The following NELL2 variants were observed in gnomAD, a reference collection of about 807,000 sequenced individuals.
The protein encoded by NELL2 is neural EGFL like 2.
NELL2 carries 41 observed loss-of-function variants against 109.6 expected under a neutral mutation model. That is an observed-to-expected ratio of 0.37 (90% confidence interval 0.29 to 0.49). NELL2 has a LOEUF of 0.49. Ranked by LOEUF, NELL2 falls within the 20% of genes least tolerant of loss-of-function variation. The pLI is 0.98. For missense variants in NELL2, 900 were observed against 1,008.3 expected (o/e 0.89, Z 1.45); for synonymous variants, 355 against 344.7 (o/e 1.03, Z -0.33).
At chr12:44,815,292 C>A (rs73088926) in intron 3 of NELL2, among the ~76,000 whole-genome samples, 12,555 of 152,218 alleles carry the variant, frequency 0.082, 647 homozygotes, top group Middle Eastern at 0.12. Flanking sequence ...AGACAGCTGT[C>A]ACTGCTGCCA....
chr12:44,730,780 C>T (rs1939327367), intron 9 of NELL2, among the ~76,000 whole-genome samples: 1 of 151,486 alleles, frequency 6.6e-6, no homozygotes, highest in Non-Finnish European at 1.5e-5. Context: ...AAGATTAGAG[C>T]AGAAAGAAAA....
At chr12:44,855,488 G>C (rs2710456) in intron 2 of NELL2, among the ~76,000 whole-genome samples, 150,502 of 152,342 alleles carry the variant, frequency 0.99, 74,384 homozygotes, top group East Asian at 1. Context: ...GTATTTTATT[G>C]TACGGGCTAA....
chr12:44,510,881 G>C (rs1163293995), intron 19 of NELL2, among the ~76,000 whole-genome samples: 1 of 152,184 alleles, frequency 6.6e-6, no homozygotes, highest in Non-Finnish European at 1.5e-5. Context: ...CAGAGGCACA[G>C]GTTTTCTGAC....
chr12:44,760,567 G>T (rs1025210698), intron 9 of NELL2, among the ~76,000 whole-genome samples: 8 of 152,028 alleles, frequency 5.3e-5, no homozygotes, highest in Admixed American at 2.6e-4. Flanking sequence ...TAGAGAATGA[G>T]ATAAATCCTA....
chr12:44,726,018 C>T (rs59275409), intron 9 of NELL2, among the ~76,000 whole-genome samples: 11,316 of 152,024 alleles, frequency 0.074, 1,363 homozygotes, highest in African/African-American at 0.25. Flanking sequence ...TTTTTAACAT[C>T]CCATTATGCA....
intron 15 of NELL2, among the ~76,000 whole-genome samples, chr12:44,562,640 T>G (rs754684412): frequency 6.6e-6 from 1 of 152,214 alleles, no homozygotes; most frequent in African/African-American, 2.4e-5. Flanking sequence ...CCAGTTAGAA[T>G]GGCAATCACT....
In NELL2 at chr12:44,777,313, C is replaced by T. The variant is rs368974406; in HGVS notation, c.608G>A (p.Gly203Asp). 2 of 1,612,382 alleles carry T rather than the reference C, an allele frequency of 1.2e-6. No individual in the cohort carries two copies. Among genetic ancestry groups the T allele is most frequent in the Non-Finnish European group, 1.7e-6 (2 of 1,178,542 alleles). Reference protein sequence around the residue: ...QRNNAHGYFKGIMQDVQLLVM... With the variant: ...QRNNAHGYFKDIMQDVQLLVM... Reference sequence around the variant, plus strand: ...AAGTAATTGGACATCTTGCATTATACCCTGTGTGTGAAAAATAGAAAAAAA... The same window carrying T: ...AAGTAATTGGACATCTTGCATTATATCCTGTGTGTGAAAAATAGAAAAAAA... The change falls in exon 6 of 20, where the codon GGT becomes GAT. Residue 203 changes from glycine (G) to aspartate (D), a missense_variant and splice_region_variant. Gly to Asp is a moderately conservative substitution (Grantham distance 94). Transcript: ENST00000429094.
chr12:44,779,414 A>T (rs1476855866), intron 5 of NELL2, among the ~76,000 whole-genome samples: 1 of 152,200 alleles, frequency 6.6e-6, no homozygotes, highest in East Asian at 1.9e-4. Context: ...TCAAAGAATG[A>T]CCTGTTAACT....
intron 3 of NELL2, among the ~76,000 whole-genome samples, chr12:44,791,086 T>TATAC (rs1555217683): frequency 7.1e-4 from 38 of 53,778 alleles, no homozygotes; most frequent in Admixed American, 9.9e-4. Context: ...TATATACATA[T>TATAC]ATATATATAT....
At chr12:44,786,459 A>G (rs1011058340) in intron 3 of NELL2, among the ~76,000 whole-genome samples, 5 of 152,184 alleles carry the variant, frequency 3.3e-5, no homozygotes, top group Admixed American at 2.6e-4. Flanking sequence ...TTTGTGGAAG[A>G]CAGTGTGGCA....
intron 13 of NELL2, among the ~76,000 whole-genome samples, chr12:44,662,392 A>G (rs1462102481): frequency 6.6e-6 from 1 of 152,172 alleles, no homozygotes; most frequent in African/African-American, 2.4e-5. Flanking sequence ...AATTAGACAA[A>G]CAGTGAATAG....
chr12:44,513,287 C>A (rs1437928905), intron 19 of NELL2, among the ~76,000 whole-genome samples: 1 of 151,896 alleles, frequency 6.6e-6, no homozygotes, highest in African/African-American at 2.4e-5. Context: ...TAATAATTTA[C>A]AACCTGCTAG....
intron 15 of NELL2, among the ~76,000 whole-genome samples, chr12:44,593,899 T>G (rs1335284368): frequency 6.6e-6 from 1 of 152,126 alleles, no homozygotes; most frequent in African/African-American, 2.4e-5. Context: ...CCATCAATGA[T>G]AGACTGGATA....
At chr12:44,891,019 C>T (rs79156810) in intron 1 of NELL2, among the ~76,000 whole-genome samples, 1,532 of 152,300 alleles carry the variant, frequency 0.01, 22 homozygotes, top group African/African-American at 0.035. Flanking sequence ...CGTAAGCCAC[C>T]GCACCCAGCA....
intron 13 of NELL2, among the ~76,000 whole-genome samples, chr12:44,617,691 C>CAAAAAAAAAAAAAAAA (rs975070930): frequency 0.011 from 252 of 22,332 alleles, 11 homozygotes; most frequent in East Asian, 0.021. Context: ...GACTCCGTCT[C>CAAAAAAAAAAAAAAAA]AAAAAAAAAA....
At chr12:44,780,387 C>G (rs989694891) in intron 3 of NELL2, among the ~76,000 whole-genome samples, 5 of 151,968 alleles carry the variant, frequency 3.3e-5, no homozygotes. Flanking sequence ...AAGACAGAAA[C>G]TGCTAGATAA....
chr12:44,636,257 T>C (rs563998611), intron 13 of NELL2, among the ~76,000 whole-genome samples: 1 of 152,284 alleles, frequency 6.6e-6, no homozygotes, highest in South Asian at 2.1e-4. Context: ...CCTCTCCTCC[T>C]ATTTGAATAC....
intron 12 of NELL2, among the ~76,000 whole-genome samples, chr12:44,689,807 C>T (rs1470969580): frequency 6.6e-6 from 1 of 152,110 alleles, no homozygotes; most frequent in Non-Finnish European, 1.5e-5. Flanking sequence ...ATCAGGGATG[C>T]TGCTAAACAT....
At chr12:44,562,790 C>T (rs956550269) in intron 15 of NELL2, among the ~76,000 whole-genome samples, 2 of 152,182 alleles carry the variant, frequency 1.3e-5, no homozygotes, top group African/African-American at 4.8e-5. Context: ...CCAGAAATAC[C>T]ATTTGACCCA....
Sources: allele counts gnomAD v4.1 joint callset (sites outside exome capture counted in the v4.1 genomes callset), GRCh38; gene constraint gnomAD v4.1.1; transcripts MANE v1.5; gene names NCBI Gene and HGNC (gene_info 2026-07-23, HGNC 2026-07-21).